RIMBP2: variants seen among roughly 807,000 people sequenced by gnomAD.
RIMBP2 encodes the protein RIMS binding protein 2, also known as RIMS-binding protein 2.
Under a neutral mutation model 118.6 loss-of-function variants are expected in RIMBP2, and 48 were observed. The observed-to-expected ratio is 0.40, with a 90% CI of 0.32 to 0.51. The LOEUF (loss-of-function observed/expected upper bound fraction) is 0.51. Ranked by LOEUF, RIMBP2 falls within the 20% of genes least tolerant of loss-of-function variation. The pLI is 0.41. For synonymous variants in RIMBP2, 762 were observed against 742.9 expected (o/e 1.03, Z -0.42); for missense variants, 1,551 against 1,768.3 (o/e 0.88, Z 2.20).
intron 17 of RIMBP2, among the ~76,000 whole-genome samples, chr12:130,417,892 T>C (rs1373241907): frequency 6.6e-6 from 1 of 151,764 alleles, no homozygotes; most frequent in East Asian, 1.9e-4. Context: ...TGACAGATAA[T>C]ATTGGTCTGA....
At chr12:130,687,635 T>C (rs972635285) in intron 1 of RIMBP2, among the ~76,000 whole-genome samples, 1 of 152,134 alleles carries the variant, frequency 6.6e-6, no homozygotes, top group African/African-American at 2.4e-5. Flanking sequence ...AAGTTGTACT[T>C]TCAGAATGGA....
intron 1 of RIMBP2, among the ~76,000 whole-genome samples, chr12:130,630,045 T>G (rs561809359): frequency 2.8e-5 from 4 of 143,668 alleles, no homozygotes; most frequent in Admixed American, 2.8e-4. Flanking sequence ...AAGAACAAGA[T>G]GCTAAAAAGA....
chr12:130,433,423 A>T (rs2077284685), intron 14 of RIMBP2, among the ~76,000 whole-genome samples: 1 of 152,114 alleles, frequency 6.6e-6, no homozygotes, highest in African/African-American at 2.4e-5. Flanking sequence ...TGTAATGTGG[A>T]CCCTGTGAGG....
intron 2 of RIMBP2, among the ~76,000 whole-genome samples, chr12:130,600,469 GC>G (rs1357661477): frequency 6.7e-6 from 1 of 149,768 alleles, no homozygotes; most frequent in Non-Finnish European, 1.5e-5. Flanking sequence ...CCCCCGTCTG[GC>G]CGGAAGGATG....
chr12:130,498,651 A>AC (rs72105234), intron 4 of RIMBP2, among the ~76,000 whole-genome samples: 2,601 of 149,832 alleles, frequency 0.017, 93 homozygotes, highest in East Asian at 0.14. Context: ...AAAAAAAAAA[A>AC]CACTCAGTGC....
chr12:130,674,971 C>T (rs1008796334), intron 1 of RIMBP2, among the ~76,000 whole-genome samples: 2 of 152,176 alleles, frequency 1.3e-5, no homozygotes, highest in African/African-American at 4.8e-5. Flanking sequence ...CAGATTCCAT[C>T]GTGTGGATGG....
intron 3 of RIMBP2, among the ~76,000 whole-genome samples, chr12:130,509,434 G>A (rs1031173172): frequency 1.3e-5 from 2 of 152,176 alleles, no homozygotes; most frequent in Non-Finnish European, 2.9e-5. Context: ...AGACGACCTG[G>A]AGAGCCTGTA....
chr12:130,437,460 A>AG (rs2077613861), intron 12 of RIMBP2, among the ~76,000 whole-genome samples, 169 bp from the exon 13 acceptor site: 1 of 151,832 alleles, frequency 6.6e-6, no homozygotes, highest in Non-Finnish European at 1.5e-5. Flanking sequence ...TCTTGCGGGG[A>AG]GGGGGCGGGG....
intron 1 of RIMBP2, among the ~76,000 whole-genome samples, chr12:130,680,040 C>A (rs1167678024): frequency 9.3e-5 from 14 of 150,746 alleles, no homozygotes; most frequent in Non-Finnish European, 1.9e-4. Flanking sequence ...GGAAGGATCC[C>A]TGAGTGTGAT....
chr12:130,406,181 T>C lies in RIMBP2; in HGVS notation c.3756A>G (p.Gly1252=), dbSNP rs1291045877. 12 of 1,563,294 alleles carry C rather than the reference T, an allele frequency of 7.7e-6. No individual in the cohort carries two copies. In the South Asian group the frequency reaches 9.0e-5, roughly 12 times the overall value. ...ITVFGEIDED[G]FYYGELNGQK... is the part of the protein sequence containing the mutation. ...TATTTCAAAAACTTACATAATAAAA[T>C]CCATCTTCATCAATTTCACCAAAAA... is the stretch of plus-strand genomic sequence containing the variant. Residue 1252 remains glycine (G), a synonymous_variant, in exon 21 of 23, where the codon GGA becomes GGG. Transcript: ENST00000690449.
chr12:130,715,375 G>A lies in RIMBP2; in HGVS notation c.-352+847C>T, dbSNP rs191552033. ...CCTCCCTCCGGCCAGCCGCCACCCC[G>A]ACCTCAGCCAGCGTGCGCTCCCCGG... On this transcript the variant is annotated intron_variant, in intron 1 of 22. Transcript: ENST00000690449. 2.3e-3 allele frequency among the ~76,000 whole-genome samples: 353 copies of A among 152,218 alleles called. 2 individuals are homozygous for A. Among genetic ancestry groups the A allele is most frequent in the Non-Finnish European group, 3.9e-3 (265 of 68,004 alleles).
intron 1 of RIMBP2, among the ~76,000 whole-genome samples, chr12:130,692,670 A>G (rs193131941): frequency 6.6e-6 from 1 of 152,270 alleles, no homozygotes; most frequent in African/African-American, 2.4e-5. Flanking sequence ...TGTGGAATCA[A>G]TTTAGCAAGG....
chr12:130,559,326 C>G (rs934288139), intron 2 of RIMBP2, among the ~76,000 whole-genome samples: 6 of 152,158 alleles, frequency 3.9e-5, no homozygotes, highest in African/African-American at 1.4e-4. Context: ...ACCCCATGCC[C>G]TGGCCCCAAC....
intron 21 of RIMBP2, among the ~76,000 whole-genome samples, chr12:130,403,052 T>C (rs1333551335): frequency 2.0e-5 from 3 of 152,120 alleles, no homozygotes; most frequent in Admixed American, 6.5e-5. Flanking sequence ...TTTACTGATA[T>C]GGGATATAGC....
At chr12:130,600,480 G>A (rs1275943927) in intron 2 of RIMBP2, among the ~76,000 whole-genome samples, 3 of 150,144 alleles carry the variant, frequency 2.0e-5, no homozygotes, top group Non-Finnish European at 4.4e-5. Flanking sequence ...CCGGAAGGAT[G>A]TCAGCTCCAA....
At chr12:130,427,752 AT>A (rs1237472026) in intron 15 of RIMBP2, 1 of 154,066 alleles carries the variant, frequency 6.5e-6, no homozygotes, top group Admixed American at 6.5e-5. Flanking sequence ...CAGGGCCACC[AT>A]AGTGCCCTCC....
chr12:130,407,669 C>G, intron 20 of RIMBP2, 57 bp downstream of exon 20: 1 of 1,373,108 alleles, frequency 7.3e-7, no homozygotes, highest in Non-Finnish European at 1.0e-6. Flanking sequence ...TGGTGTACCA[C>G]GAGGGAAGGG....
At position 130,622,458 on chromosome 12, in the gene RIMBP2, G is replaced by A. The variant is rs867821065; in HGVS notation, c.-217+5864C>T. ...TAAATTCACTATTCACTAATTGTAC[G>A]TATAATTCTCTACTATTTTTCATAT... On this transcript the variant is annotated intron_variant, in intron 2 of 22. Transcript: ENST00000690449. The surrounding 1 kb of genome is among the most constrained non-coding windows in gnomAD (Gnocchi z 8.5). Among the ~76,000 whole-genome samples the A allele has an allele frequency of 1.2e-4, 18 of 151,910 alleles. No individual in the cohort carries two copies. The highest frequency in any genetic ancestry group is 2.1e-4 in the Non-Finnish European group (14 of 68,010).
At chr12:130,682,483 G>A (rs570365413) in intron 1 of RIMBP2, among the ~76,000 whole-genome samples, 108 of 152,354 alleles carry the variant, frequency 7.1e-4, no homozygotes, top group African/African-American at 2.4e-3. Context: ...TAACACCAGC[G>A]CCGCTTATGG....
Sources: allele counts gnomAD v4.1 joint callset (sites outside exome capture counted in the v4.1 genomes callset), GRCh38; gene constraint gnomAD v4.1.1; non-coding constraint Gnocchi (gnomAD v3.1); transcripts MANE v1.5; gene names NCBI Gene and HGNC (gene_info 2026-07-23, HGNC 2026-07-21).